NECTIN1: variants seen among roughly 807,000 people sequenced by gnomAD.
NECTIN1 encodes the protein nectin-1.
NECTIN1 carries 23 observed loss-of-function variants against 48.0 expected under a neutral mutation model. The observed-to-expected ratio is 0.48, with a 90% CI of 0.34 to 0.68. The LOEUF is 0.68. Among genes scored for constraint, NECTIN1 ranks in the 30% least tolerant of loss-of-function variants. The pLI, the probability that NECTIN1 is intolerant of heterozygous loss-of-function variation, is 0.01. For synonymous variants in NECTIN1, 270 were observed against 288.9 expected (o/e 0.93, Z 0.66); for missense variants, 591 against 709.9 (o/e 0.83, Z 1.90).
intron 5 of NECTIN1, among the ~76,000 whole-genome samples, chr11:119,674,075 G>A (rs1864904878): frequency 6.6e-6 from 1 of 152,182 alleles, no homozygotes; most frequent in Non-Finnish European, 1.5e-5. Context: ...ACCCACAAAT[G>A]AGGTCTCCCA....
chr11:119,639,958 G>A, exon 6 of NECTIN1: 14 of 1,614,140 alleles, frequency 8.7e-6, no homozygotes, highest in Non-Finnish European at 1.2e-5. Context: ...CACGGCCACG[G>A]TGCCCGCCAG....
At chr11:119,656,372 C>T (rs956793613), downstream of NECTIN1, 3 of 152,186 alleles carry the variant, frequency 2.0e-5, no homozygotes, top group African/African-American at 7.2e-5. Context: ...TAGCATGGCC[C>T]TGTGCAAAGA....
Position 119,665,343 on chromosome 11 carries a change from C to T in NECTIN1, c.1004-46G>A, listed in dbSNP as rs768735543. ...GAGGGGACAGCATCAGCGTGTGCTC[C>T]TGGGGTGTAGAGGGGGTGGGAGGGA... On this transcript the variant is annotated intron_variant, in intron 5 of 5. Coordinates refer to ENST00000264025, the MANE Select transcript of NECTIN1 (RefSeq NM_002855.5). The surrounding 1 kb of genome is among the most constrained non-coding windows in gnomAD (Gnocchi z 5.1). The T allele has an allele frequency of 4.3e-6, 6 of 1,382,286 alleles. No homozygotes were observed. The South Asian group carries it at 7.7e-5, about 18-fold the overall frequency. The allele number at this position is 1,382,286 out of a possible 1,614,324, so 85.6% of individuals were successfully genotyped here.
exon 6 of NECTIN1, chr11:119,639,932 C>T (rs1864299834): frequency 6.2e-7 from 1 of 1,614,180 alleles, no homozygotes; most frequent in Admixed American, 1.7e-5. Flanking sequence ...GTGAGCACAG[C>T]AACTAGGATG....
At chr11:119,692,556 T>C (rs1352680821) in intron 1 of NECTIN1, among the ~76,000 whole-genome samples, 1 of 152,158 alleles carries the variant, frequency 6.6e-6, no homozygotes, top group Non-Finnish European at 1.5e-5. Flanking sequence ...CTTCCCTCCC[T>C]GGGGGAGAAA....
intron 5 of NECTIN1, among the ~76,000 whole-genome samples, chr11:119,666,948 C>T (rs866651697): frequency 4.6e-5 from 7 of 152,244 alleles, no homozygotes; most frequent in East Asian, 1.9e-4. Flanking sequence ...CAAGGTCACG[C>T]GGCTGAGCCA....
At chr11:119,710,969 T>C (rs1865633657) in intron 1 of NECTIN1, among the ~76,000 whole-genome samples, 1 of 151,394 alleles carries the variant, frequency 6.6e-6, no homozygotes, top group Non-Finnish European at 1.5e-5. Flanking sequence ...TTTTGTTTAC[T>C]GCAAACAAAA....
chr11:119,658,556 G>T (rs1198119811), downstream of NECTIN1, among the ~76,000 whole-genome samples: 2 of 152,150 alleles, frequency 1.3e-5, no homozygotes, highest in Non-Finnish European at 2.9e-5. Context: ...CTCCCCTCAA[G>T]CATTCAGAGG....
chr11:119,665,407 C>T lies in NECTIN1; in HGVS notation c.1004-110G>A. ...GAGGCCAGGAAGGACAGGCTGTCTGCACCCCAGGTTTGAGCAGCTCCAGTT... is the reference window on the plus strand; with the variant it reads ...GAGGCCAGGAAGGACAGGCTGTCTGTACCCCAGGTTTGAGCAGCTCCAGTT... On this transcript the variant is annotated intron_variant, in intron 5 of 5. Transcript: ENST00000264025. This position sits in a 1 kb window ranked among gnomAD's most constrained non-coding sequence, Gnocchi z 5.1. The T allele has an allele frequency of 6.9e-7, 1 of 1,458,612 alleles. No individual in the cohort carries two copies. The highest frequency in any genetic ancestry group is 1.4e-5 in the South Asian group (1 of 70,940). 90.4% of individuals were successfully genotyped at this position (1,458,612 alleles called of 1,614,324 possible).
At chr11:119,726,897 C>A (rs985370452) in intron 1 of NECTIN1, among the ~76,000 whole-genome samples, 4 of 152,184 alleles carry the variant, frequency 2.6e-5, no homozygotes, top group Non-Finnish European at 4.4e-5. Context: ...AGAGCCCGAA[C>A]TTCTGTATCT....
intron 1 of NECTIN1, among the ~76,000 whole-genome samples, chr11:119,687,092 C>T (rs538337772): frequency 3.3e-5 from 5 of 152,200 alleles, no homozygotes; most frequent in African/African-American, 7.2e-5. Flanking sequence ...GGTCAGGGTC[C>T]GAATCTTCTC....
chr11:119,728,414 G>T, intron 1 of NECTIN1, 61 bp downstream of exon 1: 1 of 1,480,724 alleles, frequency 6.8e-7, no homozygotes, highest in Non-Finnish European at 9.2e-7. Flanking sequence ...CCCGCCATCC[G>T]GCTCCCAGCC....
At chr11:119,685,085 G>A (rs946193573) in intron 1 of NECTIN1, among the ~76,000 whole-genome samples, 6 of 152,228 alleles carry the variant, frequency 3.9e-5, no homozygotes, top group African/African-American at 1.4e-4. Flanking sequence ...ACTTGAGTCC[G>A]GCCTGGCCTT....
At chr11:119,713,867 G>A (rs1246371893) in intron 1 of NECTIN1, 7 of 455,886 alleles carry the variant, frequency 1.5e-5, no homozygotes, top group African/African-American at 4.0e-5. Context: ...TGGGCCCGGC[G>A]TTGCTTGCCA....
intron 5 of NECTIN1, among the ~76,000 whole-genome samples, chr11:119,669,300 T>G (rs1864826639): frequency 6.6e-6 from 1 of 151,600 alleles, no homozygotes; most frequent in South Asian, 2.1e-4. Context: ...TAATCCCAGC[T>G]ACTTGGGAGG....
In NECTIN1 at chr11:119,728,885, C is replaced by A. The variant is rs773100306; in HGVS notation, c.-332G>T. On this transcript the variant is annotated 5_prime_UTR_variant, in exon 1 of 6. Coordinates refer to ENST00000264025, the MANE Select transcript of NECTIN1 (RefSeq NM_002855.5). ...GCTGGGGAGAGGGACCCACCCCCGG[C>A]GCGCCCGGCTGCCCGGTTGCGCGGC... is the stretch of plus-strand genomic sequence containing the variant. 24 of 240,416 alleles carry A rather than the reference C, an allele frequency of 1.0e-4. No individual in the cohort carries two copies. The highest frequency in any genetic ancestry group is 1.3e-4 in the African/African-American group (6 of 44,456). The allele number at this position is 240,416 out of a possible 1,614,324, so 14.9% of individuals were successfully genotyped here. A position where few individuals can be genotyped will look rare whatever the true frequency, so the allele number is the denominator to read the frequency against.
intron 1 of NECTIN1, among the ~76,000 whole-genome samples, chr11:119,721,745 T>C (rs1161233412): frequency 3.3e-5 from 5 of 152,214 alleles, no homozygotes; most frequent in Non-Finnish European, 7.4e-5. Context: ...CAGGGCTCCG[T>C]GCTCACACCT....
At chr11:119,655,954 A>G (rs1425309157) in intron 5 of NECTIN1, among the ~76,000 whole-genome samples, 3 of 152,088 alleles carry the variant, frequency 2.0e-5, no homozygotes, top group Admixed American at 1.3e-4. Flanking sequence ...CTGGGGTGCA[A>G]TGGTACAATT....
At chr11:119,649,908 TG>T (rs1282172350) in intron 5 of NECTIN1, among the ~76,000 whole-genome samples, 1 of 152,072 alleles carries the variant, frequency 6.6e-6, no homozygotes, top group Non-Finnish European at 1.5e-5. Context: ...TGTGTCCGTG[TG>T]AAGAGACCAC....
Sources: allele counts gnomAD v4.1 joint callset (sites outside exome capture counted in the v4.1 genomes callset), GRCh38; gene constraint gnomAD v4.1.1; non-coding constraint Gnocchi (gnomAD v3.1); transcripts MANE v1.5; gene names NCBI Gene and HGNC (gene_info 2026-07-23, HGNC 2026-07-21).